Variants in TASP1 observed in about 807,000 individuals in gnomAD.
TASP1 encodes taspase 1.
In TASP1, 16 loss-of-function variants were observed where a neutral mutation model predicts 56.6. The observed-to-expected ratio is 0.28, with a 90% CI of 0.19 to 0.43. TASP1 has a LOEUF of 0.43. Among genes scored for constraint, TASP1 ranks in the 20% least tolerant of loss-of-function variants. The pLI is 1.00. For synonymous variants in TASP1, 179 were observed against 184.2 expected, an observed-to-expected ratio of 0.97 and a Z score of 0.23; for missense variants, 393 against 511.6, an observed-to-expected ratio of 0.77 and a Z score of 2.24.
intron 8 of TASP1, among the ~76,000 whole-genome samples, chr20:13,542,564 C>A (rs914392468): frequency 2.0e-5 from 3 of 152,110 alleles, no homozygotes; most frequent in African/African-American, 7.2e-5. Flanking sequence ...AAGAAAGTTT[C>A]TTTTCAGGCA....
chr20:13,561,074 CA>C (rs2046329345), intron 7 of TASP1, among the ~76,000 whole-genome samples: 4 of 152,150 alleles, frequency 2.6e-5, no homozygotes, highest in Admixed American at 2.6e-4. Context: ...GCTGAAACAA[CA>C]AAAGCATCAA....
chr20:13,308,255 G>A, the TASP1 span, among the ~76,000 whole-genome samples: 11 of 152,286 alleles, frequency 7.2e-5, no homozygotes, highest in East Asian at 2.1e-3. Flanking sequence ...AACACAGTGT[G>A]AATCTGATGT....
the TASP1 span, among the ~76,000 whole-genome samples, chr20:13,288,897 G>A: frequency 6.6e-6 from 1 of 151,974 alleles, no homozygotes; most frequent in African/African-American, 2.4e-5. Flanking sequence ...CAATTCTCCT[G>A]CCTCAGCCTC....
chr20:13,327,864 T>G, the TASP1 span, among the ~76,000 whole-genome samples: 1 of 151,782 alleles, frequency 6.6e-6, no homozygotes, highest in Non-Finnish European at 1.5e-5. Context: ...TAGAAGAAAA[T>G]CTAGGCAATC....
chr20:13,272,210 G>A, the TASP1 span, among the ~76,000 whole-genome samples: 1 of 152,250 alleles, frequency 6.6e-6, no homozygotes, highest in African/African-American at 2.4e-5. Context: ...CAGACCAATT[G>A]ATCCTTCATT....
chr20:13,610,297 G>C (rs1179825583), intron 4 of TASP1, among the ~76,000 whole-genome samples: 1 of 152,154 alleles, frequency 6.6e-6, no homozygotes, highest in South Asian at 2.1e-4. Flanking sequence ...AGACACAAAA[G>C]AATACATAAT....
intron 13 of TASP1, among the ~76,000 whole-genome samples, chr20:13,413,911 C>T (rs914500951): frequency 3.3e-5 from 5 of 151,772 alleles, no homozygotes; most frequent in African/African-American, 4.8e-5. Context: ...ATATTATGGC[C>T]CTTTACCCCT....
the TASP1 span, among the ~76,000 whole-genome samples, chr20:13,243,479 T>C: frequency 6.6e-6 from 1 of 152,194 alleles, no homozygotes; most frequent in Non-Finnish European, 1.5e-5. Flanking sequence ...CATTACTCAA[T>C]ATGGCTTATG....
chr20:13,185,062 C>T, the TASP1 span, among the ~76,000 whole-genome samples: 2 of 151,394 alleles, frequency 1.3e-5, no homozygotes, highest in Non-Finnish European at 2.9e-5. Context: ...AAAATCAGTA[C>T]TATCAAAAAG....
At chr20:13,580,626 A>G (rs966194663) in intron 6 of TASP1, among the ~76,000 whole-genome samples, 1 of 152,176 alleles carries the variant, frequency 6.6e-6, no homozygotes, top group Admixed American at 6.5e-5. Context: ...AAAATTAAAA[A>G]TTACTTTAGA....
chr20:13,598,061 T>G (rs1242378308), intron 4 of TASP1, among the ~76,000 whole-genome samples: 2 of 152,224 alleles, frequency 1.3e-5, no homozygotes, highest in African/African-American at 4.8e-5. Context: ...GAACAGTCCA[T>G]GCTCATGGGT....
At chr20:13,358,384 G>A in the TASP1 span, among the ~76,000 whole-genome samples, 33 of 152,292 alleles carry the variant, frequency 2.2e-4, no homozygotes, top group Non-Finnish European at 3.8e-4. Context: ...TCAATCCCCC[G>A]TCCTCCTGCT....
At chr20:13,543,682 A>G (rs1253310114) in intron 8 of TASP1, among the ~76,000 whole-genome samples, 1 of 152,170 alleles carries the variant, frequency 6.6e-6, no homozygotes, top group Non-Finnish European at 1.5e-5. Flanking sequence ...ACATTTCTCC[A>G]CAATACAAGA....
At chr20:13,473,996 C>T (rs2044624168) in intron 11 of TASP1, among the ~76,000 whole-genome samples, 1 of 152,032 alleles carries the variant, frequency 6.6e-6, no homozygotes, top group Non-Finnish European at 1.5e-5. Flanking sequence ...ACCGCTAGAG[C>T]CCAGGGGGGT....
the TASP1 span, among the ~76,000 whole-genome samples, chr20:13,319,268 A>G: frequency 1.3e-5 from 2 of 152,182 alleles, no homozygotes; most frequent in African/African-American, 4.8e-5. Context: ...GGCAAGGCCA[A>G]CTAGACTATG....
the TASP1 span, among the ~76,000 whole-genome samples, chr20:13,273,255 G>T: frequency 1.9e-4 from 5 of 25,918 alleles, no homozygotes; most frequent in African/African-American, 7.2e-4. Flanking sequence ...ATTTTATTTT[G>T]ACAAGGTCTT....
the TASP1 span, among the ~76,000 whole-genome samples, chr20:13,306,086 A>T: frequency 6.6e-6 from 1 of 151,860 alleles, no homozygotes; most frequent in Admixed American, 6.6e-5. Context: ...AATGAAAAAA[A>T]CCTTTTAAAT....
chr20:13,174,170 G>T, the TASP1 span, among the ~76,000 whole-genome samples: 1 of 152,134 alleles, frequency 6.6e-6, no homozygotes, highest in Admixed American at 6.5e-5. Context: ...CCTTGTAGAA[G>T]TACGAATTTA....
the TASP1 span, among the ~76,000 whole-genome samples, chr20:13,193,700 G>C: frequency 6.6e-6 from 1 of 152,184 alleles, no homozygotes; most frequent in African/African-American, 2.4e-5. Flanking sequence ...TGTCATCAAG[G>C]AGCCAGACTA....
Sources: allele counts gnomAD v4.1 joint callset (sites outside exome capture counted in the v4.1 genomes callset), GRCh38; gene constraint gnomAD v4.1.1; transcripts MANE v1.5; gene names NCBI Gene and HGNC (gene_info 2026-07-23, HGNC 2026-07-21).